CSMD1: variants seen among roughly 807,000 people sequenced by gnomAD.
CSMD1 encodes CUB and sushi domain-containing protein 1.
Under a neutral mutation model 417.5 loss-of-function variants are expected in CSMD1, and 213 were observed. That is an observed-to-expected ratio of 0.51 (90% CI 0.46 to 0.57). The LOEUF (loss-of-function observed/expected upper bound fraction) is 0.57. Ranked by LOEUF, CSMD1 falls within the 20% of genes least tolerant of loss-of-function variation. CSMD1 has a pLI of 0.00. For synonymous variants in CSMD1, 2,862 were observed against 1,736.8 expected (o/e 1.65, Z -16.11); for missense variants, 6,923 against 4,529.7 (o/e 1.53, Z -15.17).
chr8:3,181,705 C>T (rs1397326035), intron 36 of CSMD1, among the ~76,000 whole-genome samples: 1 of 152,088 alleles, frequency 6.6e-6, no homozygotes, highest in African/African-American at 2.4e-5. Flanking sequence ...GTAATGTTCC[C>T]CCTGGATCTG....
At chr8:4,729,467 G>C (rs1585009677) in intron 1 of CSMD1, among the ~76,000 whole-genome samples, 1 of 152,268 alleles carries the variant, frequency 6.6e-6, no homozygotes, top group Non-Finnish European at 1.5e-5. Context: ...ATGATCAATA[G>C]CTGAAAGGAA....
chr8:3,680,717 C>T (rs551627868), intron 7 of CSMD1, among the ~76,000 whole-genome samples: 11 of 152,238 alleles, frequency 7.2e-5, no homozygotes, highest in Admixed American at 2.0e-4. Context: ...ATACCAAAGC[C>T]GGGCAGAGAC....
chr8:3,688,182 A>T (rs1800044203), intron 7 of CSMD1, among the ~76,000 whole-genome samples: 1 of 152,230 alleles, frequency 6.6e-6, no homozygotes, highest in Non-Finnish European at 1.5e-5. Flanking sequence ...AGCTGGGCAT[A>T]AATTGGACAC....
chr8:4,793,478 C>CT (rs1158708072), intron 1 of CSMD1, among the ~76,000 whole-genome samples: 1 of 152,006 alleles, frequency 6.6e-6, no homozygotes, highest in Non-Finnish European at 1.5e-5. Flanking sequence ...TCCTCCCCAC[C>CT]ATCTCCCACG....
chr8:4,763,267 C>A (rs934192171), intron 1 of CSMD1, among the ~76,000 whole-genome samples: 1 of 152,176 alleles, frequency 6.6e-6, no homozygotes, highest in Non-Finnish European at 1.5e-5. Context: ...AACAGTCCTT[C>A]GTGAATTTCA....
chr8:4,309,157 C>G (rs1798419809), intron 3 of CSMD1, among the ~76,000 whole-genome samples: 1 of 152,126 alleles, frequency 6.6e-6, no homozygotes, highest in Admixed American at 6.6e-5. Context: ...AATTCAACAA[C>G]TTTCTGAAGA....
intron 2 of CSMD1, among the ~76,000 whole-genome samples, chr8:4,430,183 G>T (rs946213837): frequency 4.6e-5 from 7 of 152,166 alleles, no homozygotes; most frequent in African/African-American, 1.7e-4. Flanking sequence ...GCTTTCCTAA[G>T]CAAGGTGCCC....
At chr8:3,708,185 G>GATCA (rs1186199645) in intron 7 of CSMD1, among the ~76,000 whole-genome samples, 1 of 152,176 alleles carries the variant, frequency 6.6e-6, no homozygotes, top group Admixed American at 6.5e-5. Flanking sequence ...CTCAGACAGT[G>GATCA]ATCAGGGCAG....
chr8:4,800,717 G>C (rs1798236753), intron 1 of CSMD1, among the ~76,000 whole-genome samples: 3 of 152,282 alleles, frequency 2.0e-5, no homozygotes, highest in South Asian at 2.1e-4. Context: ...CCTCATTCCA[G>C]AGCTGCATTG....
rs150660142 is a variant in CSMD1 at position 4,541,207 on chromosome 8, T to A, written c.302+96135A>T. On this transcript the variant is annotated intron_variant, in intron 2 of 69. Coordinates refer to ENST00000635120, the MANE Select transcript of CSMD1 (RefSeq NM_033225.6). ...TCCAGCTGCATCTAGGGACTGGAAG[T>A]CCCATCTCTGCTTTGCCAGTAACTA... 8.0e-3 allele frequency among the ~76,000 whole-genome samples: 1,215 copies of A among 152,218 alleles called. 8 individuals carry two copies. The highest frequency in any genetic ancestry group is 0.027 in the Middle Eastern group (8 of 294).
chr8:4,463,524 G>A (rs998475780), intron 2 of CSMD1, among the ~76,000 whole-genome samples: 4 of 152,042 alleles, frequency 2.6e-5, no homozygotes, highest in African/African-American at 7.2e-5. Context: ...TCAGTCAACC[G>A]ATGAAAAAAC....
At chr8:3,163,991 T>G (rs558000841) in intron 37 of CSMD1, among the ~76,000 whole-genome samples, 1 of 152,322 alleles carries the variant, frequency 6.6e-6, no homozygotes, top group African/African-American at 2.4e-5. Flanking sequence ...ACTGCCTGGA[T>G]GATGGAGCCT....
At chr8:3,646,293 A>G (rs1053698625) in intron 7 of CSMD1, among the ~76,000 whole-genome samples, 8 of 152,182 alleles carry the variant, frequency 5.3e-5, no homozygotes, top group African/African-American at 1.9e-4. Context: ...TTGTAAAAGT[A>G]TGAAATATAC....
chr8:3,249,763 T>A (rs76764656), intron 26 of CSMD1, among the ~76,000 whole-genome samples: 6 of 146,172 alleles, frequency 4.1e-5, no homozygotes, highest in Non-Finnish European at 6.1e-5. Context: ...CCGTTTTTTT[T>A]AAATCTAATC....
intron 1 of CSMD1, among the ~76,000 whole-genome samples, chr8:4,960,759 C>G (rs1299677131): frequency 6.6e-6 from 1 of 152,062 alleles, no homozygotes; most frequent in Non-Finnish European, 1.5e-5. Flanking sequence ...TAAGGGTACA[C>G]AAGTTTCTTA....
chr8:4,915,026 G>T (rs935393380), intron 1 of CSMD1, among the ~76,000 whole-genome samples: 25 of 152,158 alleles, frequency 1.6e-4, no homozygotes, highest in African/African-American at 5.8e-4. Context: ...TATTAGATAT[G>T]AGAAACTGCA....
chr8:3,622,349 G>C (rs937855222), intron 7 of CSMD1, among the ~76,000 whole-genome samples: 3 of 152,184 alleles, frequency 2.0e-5, no homozygotes, highest in African/African-American at 7.2e-5. Context: ...AGAAATAATA[G>C]ACTCTAGCTT....
At chr8:4,761,590 A>T (rs1812071664) in intron 1 of CSMD1, among the ~76,000 whole-genome samples, 1 of 152,082 alleles carries the variant, frequency 6.6e-6, no homozygotes, top group Non-Finnish European at 1.5e-5. Flanking sequence ...TGCGATGGTT[A>T]CCTCTTATTA....
intron 23 of CSMD1, among the ~76,000 whole-genome samples, chr8:3,339,051 G>C (rs1050933574): frequency 7.4e-6 from 1 of 136,050 alleles, no homozygotes. Flanking sequence ...TGATCTCATT[G>C]TTCAATTCCC....
Sources: allele counts gnomAD v4.1 joint callset (sites outside exome capture counted in the v4.1 genomes callset), GRCh38; gene constraint gnomAD v4.1.1; transcripts MANE v1.5; gene names NCBI Gene and HGNC (gene_info 2026-07-23, HGNC 2026-07-21).